The following ELP4 variants were observed in gnomAD, a reference collection of about 807,000 sequenced individuals.
The protein encoded by ELP4 is elongator complex protein 4.
Under a neutral mutation model 48.9 loss-of-function variants are expected in ELP4, and 51 were observed. The ratio of observed to expected loss-of-function variants is 1.04; its 90% confidence interval spans 0.83 to 1.32. The LOEUF is 1.32. Ranked by LOEUF, ELP4 falls within the 40% of genes most tolerant of loss-of-function variation. The pLI is 0.00. For missense variants in ELP4, 519 were observed against 514.6 expected (o/e 1.01, Z -0.08); for synonymous variants, 210 against 189.2 (o/e 1.11, Z -0.90).
At chr11:31,692,709 T>C (rs1337597530) in intron 9 of ELP4, among the ~76,000 whole-genome samples, 14 of 152,116 alleles carry the variant, frequency 9.2e-5, no homozygotes, top group African/African-American at 3.4e-4. Flanking sequence ...CGAAGGCTCA[T>C]TCACACATGA....
intron 3 of ELP4, among the ~76,000 whole-genome samples, chr11:31,541,279 A>G (rs1340045772): frequency 6.6e-6 from 1 of 152,248 alleles, no homozygotes; most frequent in African/African-American, 2.4e-5. Flanking sequence ...TGAAATCCAA[A>G]GCAGAAACCT....
chr11:31,754,832 A>G (rs1434986244), intron 9 of ELP4, among the ~76,000 whole-genome samples: 9 of 152,206 alleles, frequency 5.9e-5, no homozygotes, highest in African/African-American at 2.4e-5. Flanking sequence ...AGATCACGCC[A>G]TTATACTTCA....
intron 9 of ELP4, among the ~76,000 whole-genome samples, chr11:31,693,113 C>G (rs2134141758): frequency 6.6e-6 from 1 of 152,172 alleles, no homozygotes; most frequent in Middle Eastern, 3.4e-3. Context: ...ACTGCCCACC[C>G]AAAGGAGTAA....
intron 9 of ELP4, among the ~76,000 whole-genome samples, chr11:31,670,106 C>G (rs1945777921): frequency 6.6e-6 from 1 of 152,122 alleles, no homozygotes. Flanking sequence ...TTACTTGATG[C>G]ATTAAAACCC....
intron 2 of ELP4, among the ~76,000 whole-genome samples, chr11:31,538,795 C>A (rs1296066682): frequency 3.9e-5 from 6 of 151,904 alleles, no homozygotes; most frequent in Non-Finnish European, 8.8e-5. Context: ...TCTGTTGTAT[C>A]TTGTTCTATT....
chr11:31,560,716 T>TTA (rs539010063), intron 3 of ELP4, among the ~76,000 whole-genome samples: 2 of 150,046 alleles, frequency 1.3e-5, no homozygotes, highest in African/African-American at 2.4e-5. Flanking sequence ...CAACGTTGTT[T>TTA]TATATATATA....
At chr11:31,578,005 G>A (rs1236792436) in intron 3 of ELP4, among the ~76,000 whole-genome samples, 1 of 152,160 alleles carries the variant, frequency 6.6e-6, no homozygotes, top group Non-Finnish European at 1.5e-5. Context: ...AAGTCATATT[G>A]TCTCTGTTTG....
intron 3 of ELP4, among the ~76,000 whole-genome samples, chr11:31,550,907 C>T (rs557484270): frequency 1.2e-4 from 18 of 152,260 alleles, no homozygotes; most frequent in African/African-American, 4.1e-4. Flanking sequence ...TGACTTGACC[C>T]CTTATGCTTT....
chr11:31,749,803 C>T (rs566897862), intron 9 of ELP4, among the ~76,000 whole-genome samples: 2 of 151,532 alleles, frequency 1.3e-5, no homozygotes, highest in South Asian at 4.2e-4. Context: ...TGAACATGCT[C>T]AGAGCCATTT....
chr11:31,684,843 TAGAA>T (rs921844620), intron 9 of ELP4, among the ~76,000 whole-genome samples: 1 of 152,174 alleles, frequency 6.6e-6, no homozygotes, highest in Admixed American at 6.5e-5. Flanking sequence ...AATAGACTTT[TAGAA>T]AGAAACACTG....
chr11:31,601,366 C>T (rs893058921), intron 4 of ELP4, among the ~76,000 whole-genome samples: 6 of 151,924 alleles, frequency 3.9e-5, no homozygotes, highest in Non-Finnish European at 5.9e-5. Context: ...TTTTCATCAG[C>T]AATAAAATTT....
chr11:31,689,024 A>G (rs1188584273), intron 9 of ELP4, among the ~76,000 whole-genome samples: 1 of 152,192 alleles, frequency 6.6e-6, no homozygotes, highest in African/African-American at 2.4e-5. Context: ...GCACATAAGC[A>G]CCTTGCACAG....
intron 5 of ELP4, among the ~76,000 whole-genome samples, chr11:31,617,235 A>T (rs1397776640): frequency 6.6e-6 from 1 of 152,152 alleles, no homozygotes; most frequent in African/African-American, 2.4e-5. Flanking sequence ...CTTAAAAATG[A>T]TGGAAATACA....
chr11:31,584,131 G>A (rs1467117795), intron 3 of ELP4, among the ~76,000 whole-genome samples: 1 of 151,938 alleles, frequency 6.6e-6, no homozygotes, highest in Admixed American at 6.6e-5. Context: ...GGAAAAATAA[G>A]TTTTAGACAA....
chr11:31,683,034 GTA>G (rs1469790107), intron 9 of ELP4, among the ~76,000 whole-genome samples: 1 of 151,994 alleles, frequency 6.6e-6, no homozygotes, highest in Non-Finnish European at 1.5e-5. Flanking sequence ...AATATTTTAT[GTA>G]TATTTACATA....
chr11:31,764,777 T>C (rs970980874), intron 9 of ELP4, among the ~76,000 whole-genome samples: 6 of 152,184 alleles, frequency 3.9e-5, no homozygotes, highest in African/African-American at 9.7e-5. Context: ...AGAACTTCCA[T>C]TGAATCAAGA....
At chr11:31,628,436 T>TACACACACACACACAC (rs55801807) in intron 6 of ELP4, 11 of 148,242 alleles carry the variant, frequency 7.4e-5, no homozygotes, top group African/African-American at 2.5e-4. Context: ...GCAAAAGGAA[T>TACACACACACACACAC]ACACACACAC....
intron 7 of ELP4, among the ~76,000 whole-genome samples, chr11:31,642,216 T>C (rs1167623187): frequency 6.6e-6 from 1 of 151,956 alleles, no homozygotes; most frequent in Non-Finnish European, 1.5e-5. Flanking sequence ...AATAACTTAC[T>C]GAAAAAGAAA....
At chr11:31,720,150 G>A (rs113529874) in intron 9 of ELP4, among the ~76,000 whole-genome samples, 2,780 of 152,054 alleles carry the variant, frequency 0.018, 88 homozygotes, top group African/African-American at 0.063. Context: ...TTCTGTGACT[G>A]CAGAAACCTT....
Sources: gnomAD v4.1 joint callset for allele counts (sites outside exome capture counted in the v4.1 genomes callset) on GRCh38, gnomAD v4.1.1 for gene constraint, MANE v1.5 for transcripts, NCBI Gene and HGNC (gene_info 2026-07-23, HGNC 2026-07-21) for gene names.